Variants in SPACA7 observed in about 807,000 individuals in gnomAD.
SPACA7 encodes sperm acrosome-associated protein 7.
SPACA7 carries 19 observed loss-of-function variants against 26.3 expected under a neutral mutation model. That is an observed-to-expected ratio of 0.72 (90% CI 0.50 to 1.06). The LOEUF (loss-of-function observed/expected upper bound fraction) is 1.06. SPACA7 is among the 50% of genes least tolerant of loss of function. The probability of loss-of-function intolerance (pLI) is 0.00; values close to 1 mark genes in which losing one functional copy is unlikely to be tolerated. For missense variants in SPACA7, 211 were observed against 229.9 expected, an observed-to-expected ratio of 0.92 and a Z score of 0.53; for synonymous variants, 84 against 84.5, an observed-to-expected ratio of 0.99 and a Z score of 0.04.
chr13:112,433,845 A>G lies in SPACA7; in HGVS notation c.524-640A>G, dbSNP rs142767673. On this transcript the variant is annotated intron_variant, in intron 6 of 6. Coordinates refer to ENST00000283550, the MANE Select transcript of SPACA7 (RefSeq NM_145248.5). ...TGAGCGGTCGTTCAAGCTACGGCCA[A>G]TATCCCAGATTGTGCCACTGTCCAG... 2.7e-3 allele frequency among the ~76,000 whole-genome samples: 407 copies of G among 152,238 alleles called. 3 individuals carry two copies. Among genetic ancestry groups the G allele is most frequent in the African/African-American group, 9.1e-3 (379 of 41,542 alleles).
chr13:112,399,891 C>G (rs1202460648), intron 4 of SPACA7, among the ~76,000 whole-genome samples: 1 of 152,184 alleles, frequency 6.6e-6, no homozygotes. Context: ...GCAAGTACAT[C>G]TTCACATGGA....
At chr13:112,432,054 G>A (rs1174617468) in intron 5 of SPACA7, among the ~76,000 whole-genome samples, 4 of 152,222 alleles carry the variant, frequency 2.6e-5, no homozygotes, top group South Asian at 2.1e-4. Flanking sequence ...CAAGGACCAC[G>A]GCTCAAGTGA....
chr13:112,408,259 A>G (rs916545449), intron 5 of SPACA7, among the ~76,000 whole-genome samples: 2 of 152,188 alleles, frequency 1.3e-5, no homozygotes, highest in East Asian at 3.9e-4. Context: ...CACAGCCAAT[A>G]TCATACTGAA....
intron 5 of SPACA7, among the ~76,000 whole-genome samples, chr13:112,431,181 G>T (rs1296936110): frequency 6.6e-6 from 1 of 152,202 alleles, no homozygotes; most frequent in Non-Finnish European, 1.5e-5. Flanking sequence ...GAATAATTTA[G>T]ATAAATGTTT....
At position 112,429,231 on chromosome 13, in the gene SPACA7, C is replaced by T. The variant is rs1433256125; in HGVS notation, c.446-3213C>T. On this transcript the variant is annotated intron_variant, in intron 5 of 6. Transcript: ENST00000283550. ...ATCTCTACAAAAAATAAAATATTGG[C>T]TTGGTGTTGTGACACACACTTGTAG... 2.0e-5 allele frequency among the ~76,000 whole-genome samples: 3 copies of T among 152,166 alleles called. No homozygotes were observed. The East Asian group carries it at 5.8e-4, about 29-fold the overall frequency.
intron 5 of SPACA7, among the ~76,000 whole-genome samples, chr13:112,421,227 A>G (rs1875942899): frequency 1.2e-5 from 1 of 83,420 alleles, no homozygotes; most frequent in Non-Finnish European, 2.4e-5. Flanking sequence ...GAAACATGCA[A>G]AAAAAAAAAA....
At chr13:112,394,484 G>A (rs1334047585) in intron 2 of SPACA7, among the ~76,000 whole-genome samples, 2 of 151,526 alleles carry the variant, frequency 1.3e-5, no homozygotes, top group East Asian at 1.9e-4. Context: ...AGGAGCTGTC[G>A]CTGTCAGAAG....
At chr13:112,401,516 GAT>G (rs1266096795) in intron 5 of SPACA7, among the ~76,000 whole-genome samples, 45 of 152,308 alleles carry the variant, frequency 3.0e-4, no homozygotes, top group South Asian at 1.0e-3. Context: ...TAGATAGACA[GAT>G]AGATGATAGA....
intron 2 of SPACA7, among the ~76,000 whole-genome samples, chr13:112,394,530 A>G (rs1885108938): frequency 8.8e-6 from 1 of 114,010 alleles, no homozygotes; most frequent in Non-Finnish European, 2.1e-5. Flanking sequence ...TGGGTGGGAG[A>G]GGCCTGGGAA....
intron 5 of SPACA7, among the ~76,000 whole-genome samples, chr13:112,423,624 A>G (rs1876217442): frequency 6.6e-6 from 1 of 152,250 alleles, no homozygotes; most frequent in Non-Finnish European, 1.5e-5. Context: ...GGGAATGGAG[A>G]GTGAGCAAGG....
intron 5 of SPACA7, among the ~76,000 whole-genome samples, chr13:112,411,309 A>G (rs1886337301): frequency 6.6e-6 from 1 of 151,720 alleles, no homozygotes; most frequent in Admixed American, 6.6e-5. Flanking sequence ...TCAGTTTTTA[A>G]TTCATATATA....
intron 5 of SPACA7, among the ~76,000 whole-genome samples, chr13:112,412,804 C>T (rs1886434663): frequency 6.6e-6 from 1 of 152,076 alleles, no homozygotes. Flanking sequence ...TATTCTGTCT[C>T]CTTGGTCTAT....
chr13:112,422,695 C>T (rs1203888529), intron 5 of SPACA7, among the ~76,000 whole-genome samples: 1 of 152,174 alleles, frequency 6.6e-6, no homozygotes, highest in Non-Finnish European at 1.5e-5. Flanking sequence ...CTCAATAACC[C>T]AATGCGCAAA....
chr13:112,417,730 T>C (rs1020980922), intron 5 of SPACA7, among the ~76,000 whole-genome samples: 1 of 152,196 alleles, frequency 6.6e-6, no homozygotes, highest in African/African-American at 2.4e-5. Flanking sequence ...ACAGTGGAGT[T>C]GCTTATTCTG....
intron 5 of SPACA7, among the ~76,000 whole-genome samples, chr13:112,402,904 T>C (rs1885736760): frequency 6.6e-6 from 1 of 152,200 alleles, no homozygotes; most frequent in Non-Finnish European, 1.5e-5. Context: ...CAATATTTTA[T>C]TTCATATTTT....
chr13:112,383,135 A>G (rs1458211616), intron 1 of SPACA7, among the ~76,000 whole-genome samples: 1 of 17,556 alleles, frequency 5.7e-5, no homozygotes, highest in African/African-American at 2.5e-4. Context: ...GAAAGAAAGA[A>G]AGAAAGAAAG....
chr13:112,390,100 T>G, intron 1 of SPACA7, among the ~76,000 whole-genome samples: 2 of 149,964 alleles, frequency 1.3e-5, no homozygotes, highest in South Asian at 2.1e-4. Flanking sequence ...CTGTTGGGAG[T>G]CAAGGGGCTG....
At chr13:112,399,398 C>T (rs755003986) in intron 4 of SPACA7, among the ~76,000 whole-genome samples, 14 of 152,242 alleles carry the variant, frequency 9.2e-5, no homozygotes, top group Non-Finnish European at 1.9e-4. Flanking sequence ...AAAACACAGC[C>T]CAGGGAAGCA....
intron 1 of SPACA7, among the ~76,000 whole-genome samples, chr13:112,381,093 G>T (rs1276259988): frequency 6.6e-6 from 1 of 152,074 alleles, no homozygotes; most frequent in Non-Finnish European, 1.5e-5. Flanking sequence ...TGTTTCAATA[G>T]CTTATCTTAT....
Sources: allele counts gnomAD v4.1 joint callset (sites outside exome capture counted in the v4.1 genomes callset), GRCh38; gene constraint gnomAD v4.1.1; transcripts MANE v1.5; gene names NCBI Gene and HGNC (gene_info 2026-07-23, HGNC 2026-07-21).